The following RERE variants were observed in gnomAD, a reference collection of about 807,000 sequenced individuals.
RERE encodes the protein arginine-glutamic acid dipeptide repeats protein.
In RERE, 40 loss-of-function variants were observed where a neutral mutation model predicts 146.1. That is an observed-to-expected ratio of 0.27 (90% CI 0.21 to 0.36). The LOEUF is 0.36. Ranked by LOEUF, RERE falls within the 10% of genes least tolerant of loss-of-function variation. The probability of loss-of-function intolerance (pLI) is 1.00; values close to 1 mark genes in which losing one functional copy is unlikely to be tolerated. For missense variants in RERE, 1,933 were observed against 2,138.7 expected (o/e 0.90, Z 1.90); for synonymous variants, 1,003 against 866.0 (o/e 1.16, Z -2.78).
Position 8,354,065 on chromosome 1 carries a change from CAG to C in RERE, c.*1020_*1021del, listed in dbSNP as rs1570006280. The C allele has an allele frequency of 6.6e-6, 1 of 152,514 alleles. No individual in the cohort carries two copies. Among genetic ancestry groups the C allele is most frequent in the Non-Finnish European group, 1.5e-5 (1 of 68,034 alleles). The allele number at this position is 152,514 out of a possible 1,614,324, so 9.4% of individuals were successfully genotyped here. On this transcript the variant is annotated 3_prime_UTR_variant, in exon 23 of 23. Transcript: ENST00000400908. The stretch of plus-strand genomic sequence containing the variant: ...CGGAGTATTAAAAAAGACATTCATC[CAG>C]AACAATCAAGTGTGTGTACACAGAA...
chr1:8,750,834 T>C (rs1388488349), intron 1 of RERE: 14 of 820,604 alleles, frequency 1.7e-5, no homozygotes, highest in Admixed American at 5.1e-5. Flanking sequence ...CTGAGGATTG[T>C]AGAGCCATAT....
intron 7 of RERE, among the ~76,000 whole-genome samples, chr1:8,519,404 G>A (rs1255367773): frequency 2.6e-5 from 4 of 152,164 alleles, no homozygotes; most frequent in African/African-American, 9.7e-5. Flanking sequence ...CTGCACTCCA[G>A]CCTGGGCAAC....
intron 7 of RERE, among the ~76,000 whole-genome samples, chr1:8,517,902 A>T (rs555690988): frequency 6.6e-6 from 1 of 152,356 alleles, no homozygotes; most frequent in South Asian, 2.1e-4. Context: ...CTGTAAATGA[A>T]TATCAAAAAG....
chr1:8,561,508 C>T (rs890233552), intron 4 of RERE, among the ~76,000 whole-genome samples: 3 of 152,150 alleles, frequency 2.0e-5, no homozygotes, highest in African/African-American at 4.8e-5. Flanking sequence ...AGTCCCCCAA[C>T]CCTATGAAAA....
At chr1:8,416,814 C>T (rs1038661528) in intron 12 of RERE, among the ~76,000 whole-genome samples, 5 of 152,106 alleles carry the variant, frequency 3.3e-5, no homozygotes, top group Admixed American at 2.0e-4. Flanking sequence ...CTGTAAATAG[C>T]GGTGCTTCCT....
intron 4 of RERE, among the ~76,000 whole-genome samples, chr1:8,602,670 C>T (rs1646647947): frequency 1.3e-5 from 2 of 152,146 alleles, no homozygotes; most frequent in African/African-American, 4.8e-5. Flanking sequence ...CCAACAGTCA[C>T]TTCCGTTTTA....
At chr1:8,584,504 G>A (rs1182946475) in intron 4 of RERE, among the ~76,000 whole-genome samples, 1 of 152,180 alleles carries the variant, frequency 6.6e-6, no homozygotes, top group Admixed American at 6.5e-5. Flanking sequence ...CTATGATCCT[G>A]CCACGGTATT....
At position 8,696,941 on chromosome 1, in the gene RERE, A is replaced by G. The variant is rs892842958; in HGVS notation, c.-144-40500T>C. On this transcript the variant is annotated intron_variant, in intron 1 of 22. Transcript: ENST00000400908. Reference sequence around the variant, plus strand: ...AAAAAATAAAATAAAAACAGTTGAAATTATCAAAAAAAAAAAGTAAATAAA... The same window carrying G: ...AAAAAATAAAATAAAAACAGTTGAAGTTATCAAAAAAAAAAAGTAAATAAA... Among the ~76,000 whole-genome samples, 10 of 143,080 alleles carry G rather than the reference A, an allele frequency of 7.0e-5. No individual in the cohort carries two copies. In the Admixed American group the frequency reaches 7.1e-4, roughly 10 times the overall value. 93.9% of individuals were successfully genotyped at this position (143,080 alleles called of 152,430 possible).
chr1:8,564,870 G>GTGTGTGTGTGTGTGTGTA (rs1269710840), intron 4 of RERE, among the ~76,000 whole-genome samples: 96 of 127,374 alleles, frequency 7.5e-4, no homozygotes, highest in Non-Finnish European at 1.5e-3. Flanking sequence ...GTGTGTGTGT[G>GTGTGTGTGTGTGTGTGTA]TATATATATA....
At chr1:8,376,144 C>T (rs972928216) in intron 12 of RERE, among the ~76,000 whole-genome samples, 2 of 152,180 alleles carry the variant, frequency 1.3e-5, no homozygotes, top group Non-Finnish European at 2.9e-5. Context: ...TGGTTTAAAG[C>T]ACTAAGAGGA....
chr1:8,494,382 G>C (rs1040296887), intron 10 of RERE, among the ~76,000 whole-genome samples: 10 of 152,070 alleles, frequency 6.6e-5, no homozygotes, highest in African/African-American at 2.4e-4. Context: ...ACCTTAAATT[G>C]TGACTTAATC....
At chr1:8,455,436 T>A (rs1191555640) in intron 11 of RERE, among the ~76,000 whole-genome samples, 1 of 152,050 alleles carries the variant, frequency 6.6e-6, no homozygotes. Context: ...TCTCCCATAA[T>A]AGAACATCTC....
intron 11 of RERE, among the ~76,000 whole-genome samples, chr1:8,441,009 G>T (rs1644240508): frequency 1.6e-5 from 2 of 127,304 alleles, no homozygotes; most frequent in South Asian, 3.0e-4. Flanking sequence ...TTGTTTTTCG[G>T]GGGGGTGGGG....
chr1:8,360,907 C>T lies in RERE; in HGVS notation c.2600G>A (p.Gly867Asp), dbSNP rs1398839594. The stretch of plus-strand genomic sequence containing the variant: ...AGGGAGGCCAAAGGGCTGTGGGGGG[C>T]CTGGGTGCTGCAGCAGGGGCCCAGC... ...LQAGPLLQHP[G>D]PPQPFGLPPQ... is the part of the protein sequence containing the mutation. The change falls in exon 18 of 23, where the codon GGC becomes GAC. Residue 867 changes from glycine to aspartate, a missense_variant. Transcript: ENST00000400908. The T allele has an allele frequency of 2.7e-6, 4 of 1,491,990 alleles. No individual in the cohort carries two copies. The highest frequency in any genetic ancestry group is 2.7e-6 in the Non-Finnish European group (3 of 1,127,974). 92.4% of individuals were successfully genotyped at this position (1,491,990 alleles called of 1,614,324 possible).
Position 8,360,877 on chromosome 1 carries a change from T to C in RERE, c.2630A>G (p.Gln877Arg). The part of the protein sequence containing the change: ...GPPQPFGLPP[Q>R]ASQGQAPLGT... ...CAGAGGGGCCTGGCCTTGGGAGGCC[T>C]GGGGAGGGAGGCCAAAGGGCTGTGG... The change falls in exon 18 of 23, where the codon CAG (glutamine) becomes CGG (arginine). Residue 877 changes from glutamine (Q) to arginine (R), a missense_variant. Gln to Arg is a conservative substitution (Grantham distance 43). Coordinates refer to ENST00000400908, the MANE Select transcript of RERE (RefSeq NM_001042681.2). The C allele has an allele frequency of 6.6e-7, 1 of 1,515,818 alleles. No homozygotes were observed. Among genetic ancestry groups the C allele is most frequent in the Non-Finnish European group, 8.8e-7 (1 of 1,138,524 alleles). The allele number at this position is 1,515,818 out of a possible 1,614,324, so 93.9% of individuals were successfully genotyped here. A position where few individuals can be genotyped will look rare whatever the true frequency, so the allele number is the denominator to read the frequency against.
At position 8,524,381 on chromosome 1, in the gene RERE, C is replaced by T. The variant is rs574208047; in HGVS notation, c.831-15706G>A. ...ATTTTCAGTGACTAGAATTCACCAA[C>T]ATTAGCCTTCCTAAAAACTTTCCAC... On this transcript the variant is annotated intron_variant, in intron 7 of 22. Coordinates refer to ENST00000400908, the MANE Select transcript of RERE (RefSeq NM_001042681.2). 5.3e-5 allele frequency among the ~76,000 whole-genome samples: 8 copies of T among 152,310 alleles called. No individual in the cohort carries two copies. In the South Asian group the frequency reaches 1.2e-3, roughly 24 times the overall value.
chr1:8,769,353 A>G (rs1344549304), intron 1 of RERE, among the ~76,000 whole-genome samples: 2 of 152,254 alleles, frequency 1.3e-5, no homozygotes, highest in East Asian at 3.8e-4. Flanking sequence ...CACTGACCCA[A>G]TAAATGACTG....
At chr1:8,727,799 C>T (rs1640002067) in intron 1 of RERE, among the ~76,000 whole-genome samples, 1 of 152,134 alleles carries the variant, frequency 6.6e-6, no homozygotes, top group African/African-American at 2.4e-5. Context: ...GCCAATTACC[C>T]ACTATTCTTA....
rs140938682 is a variant in RERE at position 8,799,882 on chromosome 1, G to A, written c.-145+17278C>T. On this transcript the variant is annotated intron_variant, in intron 1 of 22. Coordinates refer to ENST00000400908, the MANE Select transcript of RERE (RefSeq NM_001042681.2). ...GCTGGAGTGCAGTGGCGCAATTTCC[G>A]CTCACCACAACCTCCATCTCCCAAG... 4.2e-3 allele frequency among the ~76,000 whole-genome samples: 642 copies of A among 151,436 alleles called. 2 individuals carry two copies. The highest frequency in any genetic ancestry group is 6.3e-3 in the Non-Finnish European group (431 of 67,894).
Sources: gnomAD v4.1 joint callset for allele counts (sites outside exome capture counted in the v4.1 genomes callset) on GRCh38, gnomAD v4.1.1 for gene constraint, MANE v1.5 for transcripts, NCBI Gene and HGNC (gene_info 2026-07-23, HGNC 2026-07-21) for gene names.